The following ITPR2 variants were observed in gnomAD, a reference collection of about 807,000 sequenced individuals.
ITPR2 encodes the protein inositol 1,4,5-trisphosphate receptor type 2, also known as inositol 1,4,5-trisphosphate-gated calcium channel ITPR2.
A neutral mutation model predicts 317.1 loss-of-function variants in ITPR2; 207 were observed. The observed-to-expected ratio is 0.65, with a 90% CI of 0.58 to 0.73. ITPR2 has a LOEUF of 0.73. Among genes scored for constraint, ITPR2 ranks in the 30% least tolerant of loss-of-function variants. The pLI is 0.00. For missense variants in ITPR2, 2,613 were observed against 3,284.0 expected (o/e 0.80, Z 4.99); for synonymous variants, 1,156 against 1,149.1 (o/e 1.01, Z -0.12).
intron 1 of ITPR2, among the ~76,000 whole-genome samples, chr12:26,816,029 C>T (rs1445852445): frequency 7.2e-6 from 1 of 139,662 alleles, no homozygotes; most frequent in African/African-American, 2.6e-5. Context: ...GGAGGCAGAG[C>T]TTGCAGTGAG....
At chr12:26,449,889 G>A (rs1941698737) in intron 45 of ITPR2, among the ~76,000 whole-genome samples, 1 of 152,142 alleles carries the variant, frequency 6.6e-6, no homozygotes, top group Non-Finnish European at 1.5e-5. Flanking sequence ...TTATCTCCTG[G>A]TACCTATGAA....
intron 26 of ITPR2, among the ~76,000 whole-genome samples, chr12:26,619,378 G>A (rs10842760): frequency 0.49 from 75,181 of 151,946 alleles, 18,878 homozygotes; most frequent in Middle Eastern, 0.58. Context: ...GAAGAATCCA[G>A]TTTTGTTCGG....
Position 26,517,018 on chromosome 12 carries a change from A to C in ITPR2, c.5074-21758T>G, listed in dbSNP as rs536669036. Among the ~76,000 whole-genome samples, 15 of 152,258 alleles carry C rather than the reference A, an allele frequency of 9.9e-5. No individual in the cohort carries two copies. In the East Asian group the frequency reaches 2.9e-3, roughly 29 times the overall value. On this transcript the variant is annotated intron_variant, in intron 37 of 56. Coordinates refer to ENST00000381340, the MANE Select transcript of ITPR2 (RefSeq NM_002223.4). ...GTAATAGAATTATCTTAAATGTAAG[A>C]ATATTTGAAGAGTATAACATTGATG...
At chr12:26,663,924 T>A in intron 14 of ITPR2, 78 bp from the exon 15 acceptor site, 1 of 1,300,424 alleles carries the variant, frequency 7.7e-7, no homozygotes, top group Non-Finnish European at 1.1e-6. Flanking sequence ...AATAAGAACA[T>A]TGATTCAAAA....
At chr12:26,460,368 G>A (rs1475338635) in intron 45 of ITPR2, among the ~76,000 whole-genome samples, 4 of 152,172 alleles carry the variant, frequency 2.6e-5, no homozygotes, top group East Asian at 1.9e-4. Flanking sequence ...GTTTTTATTC[G>A]TTTGTTTTGG....
At chr12:26,467,206 A>C (rs952554182) in intron 45 of ITPR2, among the ~76,000 whole-genome samples, 3 of 152,178 alleles carry the variant, frequency 2.0e-5, no homozygotes, top group African/African-American at 7.2e-5. Flanking sequence ...AATATAGCTC[A>C]AGCAATTGTA....
At chr12:26,606,626 T>C (rs1408544678) in intron 26 of ITPR2, among the ~76,000 whole-genome samples, 2 of 151,530 alleles carry the variant, frequency 1.3e-5, no homozygotes, top group African/African-American at 4.8e-5. Context: ...ATATGAACTA[T>C]AGGGTAAACT....
Position 26,338,746 on chromosome 12 carries a change from C to T in ITPR2, c.*651G>A, listed in dbSNP as rs750218654. The T allele has an allele frequency of 9.2e-5, 14 of 152,132 alleles. No homozygotes were observed. The highest frequency in any genetic ancestry group is 3.1e-4 in the African/African-American group (13 of 41,422). 9.4% of individuals were successfully genotyped at this position (152,132 alleles called of 1,614,324 possible). On this transcript the variant is annotated 3_prime_UTR_variant, in exon 57 of 57. Coordinates refer to ENST00000381340, the MANE Select transcript of ITPR2 (RefSeq NM_002223.4). ...ACATTGACAGAGCCTGTCTGAATCC[C>T]AGAGAAGGCAATCACATCCTGTTAT...
chr12:26,376,510 A>G (rs1298884958), intron 55 of ITPR2, among the ~76,000 whole-genome samples: 1 of 151,770 alleles, frequency 6.6e-6, no homozygotes, highest in African/African-American at 2.4e-5. Flanking sequence ...AGATCTCATT[A>G]TTGTTGCTGG....
chr12:26,409,064 A>AT (rs1260056949), intron 52 of ITPR2, among the ~76,000 whole-genome samples: 1 of 152,128 alleles, frequency 6.6e-6, no homozygotes, highest in African/African-American at 2.4e-5. Flanking sequence ...TTAAAAAGTG[A>AT]TTTTTTAAAA....
intron 26 of ITPR2, among the ~76,000 whole-genome samples, chr12:26,609,189 T>A (rs1338419273): frequency 1.3e-5 from 2 of 152,228 alleles, no homozygotes. Flanking sequence ...TGTTGCCTGA[T>A]CTAAAACAAA....
chr12:26,477,849 T>C (rs1210574309), intron 43 of ITPR2, among the ~76,000 whole-genome samples: 1 of 152,178 alleles, frequency 6.6e-6, no homozygotes, highest in African/African-American at 2.4e-5. Context: ...TTTTTAACAG[T>C]GCTGGCATAG....
intron 2 of ITPR2, among the ~76,000 whole-genome samples, chr12:26,789,863 C>T (rs1950314152): frequency 6.6e-6 from 1 of 152,166 alleles, no homozygotes; most frequent in South Asian, 2.1e-4. Flanking sequence ...TAAATAAATA[C>T]TGTTCAGCTG....
chr12:26,721,498 C>T (rs536147590), intron 5 of ITPR2, among the ~76,000 whole-genome samples: 100 of 152,230 alleles, frequency 6.6e-4, no homozygotes, highest in African/African-American at 2.3e-3. Flanking sequence ...TATATTGCTT[C>T]GAATTCATGT....
In ITPR2 at chr12:26,817,180, CAAAAAAAAAAAA is replaced by C. The variant is rs11422176; in HGVS notation, c.92+15498_92+15509del. ...TGGGCGACAGACCGAGAGTCTCTTTCAAAAAAAAAAAAAAAAAAAAAAGGGCAGTACGAACAA... is the reference window on the plus strand; with the variant it reads ...TGGGCGACAGACCGAGAGTCTCTTTCAAAAAAAAAAGGGCAGTACGAACAA... On this transcript the variant is annotated intron_variant, in intron 1 of 56. Coordinates refer to ENST00000381340, the MANE Select transcript of ITPR2 (RefSeq NM_002223.4). 5.2e-5 allele frequency among the ~76,000 whole-genome samples: 3 copies of C among 57,686 alleles called. No homozygotes were observed. In the Admixed American group the frequency reaches 7.5e-4, roughly 14 times the overall value. The allele number at this position is 57,686 out of a possible 152,430, so 37.8% of individuals were successfully genotyped here. A position where few individuals can be genotyped will look rare whatever the true frequency, so the allele number is the denominator to read the frequency against.
intron 2 of ITPR2, among the ~76,000 whole-genome samples, chr12:26,758,603 T>G (rs1366202480): frequency 6.6e-6 from 1 of 152,176 alleles, no homozygotes; most frequent in Non-Finnish European, 1.5e-5. Flanking sequence ...GATGTTCAAG[T>G]CTTCACAGAT....
At chr12:26,589,267 A>C (rs1011656704) in intron 32 of ITPR2, among the ~76,000 whole-genome samples, 1 of 152,180 alleles carries the variant, frequency 6.6e-6, no homozygotes, top group African/African-American at 2.4e-5. Flanking sequence ...TATTAAAAAT[A>C]ATCTTTTGGG....
intron 26 of ITPR2, among the ~76,000 whole-genome samples, chr12:26,605,126 A>AAAAAATATAT (rs1555165395): frequency 6.6e-5 from 9 of 136,282 alleles, no homozygotes; most frequent in African/African-American, 1.9e-4. Context: ...AAAAAATAAA[A>AAAAAATATAT]ATATATATAT....
intron 37 of ITPR2, among the ~76,000 whole-genome samples, chr12:26,522,219 T>G (rs962705435): frequency 6.6e-6 from 1 of 152,142 alleles, no homozygotes; most frequent in Non-Finnish European, 1.5e-5. Flanking sequence ...CCCTGAAGAT[T>G]TTTTAGATAT....
Sources: gnomAD v4.1 joint callset for allele counts (sites outside exome capture counted in the v4.1 genomes callset) on GRCh38, gnomAD v4.1.1 for gene constraint, MANE v1.5 for transcripts, NCBI Gene and HGNC (gene_info 2026-07-23, HGNC 2026-07-21) for gene names.